Variants in LYPD6 observed in about 807,000 individuals in gnomAD.
LYPD6 encodes the protein ly6/PLAUR domain-containing protein 6.
In LYPD6, 15 loss-of-function variants were observed where a neutral mutation model predicts 22.7. The observed-to-expected ratio is 0.66, with a 90% confidence interval of 0.44 to 1.02. The LOEUF is 1.02. Among genes scored for constraint, LYPD6 ranks in the 50% least tolerant of loss-of-function variants. The pLI, the probability that LYPD6 is intolerant of heterozygous loss-of-function variation, is 0.00. For missense variants in LYPD6, 189 were observed against 208.4 expected (o/e 0.91, Z 0.57); for synonymous variants, 72 against 77.5 (o/e 0.93, Z 0.37).
intron 1 of LYPD6, among the ~76,000 whole-genome samples, chr2:149,347,350 G>T (rs80012003): frequency 0.058 from 8,763 of 152,118 alleles, 362 homozygotes; most frequent in Non-Finnish European, 0.088. Context: ...TGAATTTTGG[G>T]GGACACAAAC....
At chr2:149,414,315 A>G (rs972697934) in intron 1 of LYPD6, among the ~76,000 whole-genome samples, 1 of 152,188 alleles carries the variant, frequency 6.6e-6, no homozygotes, top group Non-Finnish European at 1.5e-5. Context: ...CACTGTTAAT[A>G]TTTCTTAAAT....
intron 1 of LYPD6, among the ~76,000 whole-genome samples, chr2:149,354,762 T>G (rs1681421438): frequency 6.6e-6 from 1 of 152,168 alleles, no homozygotes; most frequent in Non-Finnish European, 1.5e-5. Context: ...GCCGACATGC[T>G]TCAAGCTTGA....
At chr2:149,341,142 G>C (rs1417814891) in intron 1 of LYPD6, among the ~76,000 whole-genome samples, 1 of 151,992 alleles carries the variant, frequency 6.6e-6, no homozygotes, top group East Asian at 1.9e-4. Flanking sequence ...ATTTTCTTTT[G>C]TTGAGTTCTT....
chr2:149,418,916 T>C (rs1683021387), intron 1 of LYPD6, among the ~76,000 whole-genome samples: 1 of 152,248 alleles, frequency 6.6e-6, no homozygotes, highest in Non-Finnish European at 1.5e-5. Flanking sequence ...TCTAACTGGC[T>C]GAAGACTTTT....
intron 1 of LYPD6, among the ~76,000 whole-genome samples, chr2:149,354,099 C>T (rs1262987110): frequency 3.9e-5 from 6 of 152,134 alleles, no homozygotes; most frequent in African/African-American, 1.2e-4. Context: ...TCCTTCCTCC[C>T]GCATTGGGTT....
At chr2:149,442,867 G>T (rs1349384879) in intron 2 of LYPD6, among the ~76,000 whole-genome samples, 1 of 152,126 alleles carries the variant, frequency 6.6e-6, no homozygotes, top group African/African-American at 2.4e-5. Flanking sequence ...TTCCTGCCAA[G>T]ATGTCAGTAA....
At chr2:149,386,666 T>C (rs1446918032) in intron 1 of LYPD6, among the ~76,000 whole-genome samples, 1 of 152,184 alleles carries the variant, frequency 6.6e-6, no homozygotes, top group Non-Finnish European at 1.5e-5. Flanking sequence ...AATAGACATT[T>C]TAGAACAAAT....
At chr2:149,410,902 G>A (rs1479355392) in intron 1 of LYPD6, among the ~76,000 whole-genome samples, 1 of 152,224 alleles carries the variant, frequency 6.6e-6, no homozygotes, top group Non-Finnish European at 1.5e-5. Context: ...TAGATCATAG[G>A]AAAGTTATGT....
intron 1 of LYPD6, among the ~76,000 whole-genome samples, chr2:149,382,835 T>C (rs1412239244): frequency 6.6e-6 from 1 of 152,036 alleles, no homozygotes; most frequent in Admixed American, 6.6e-5. Flanking sequence ...TTGTGGACTC[T>C]TTTCTAGAAT....
chr2:149,375,638 C>T (rs947981349), intron 1 of LYPD6, among the ~76,000 whole-genome samples: 3 of 152,148 alleles, frequency 2.0e-5, no homozygotes, highest in Non-Finnish European at 4.4e-5. Flanking sequence ...TTCTACCATG[C>T]TTTTTTGTGG....
chr2:149,418,090 G>A (rs988453983), intron 1 of LYPD6, among the ~76,000 whole-genome samples: 3 of 152,110 alleles, frequency 2.0e-5, no homozygotes, highest in Non-Finnish European at 4.4e-5. Flanking sequence ...CAGACAATTC[G>A]GATGTTTTCT....
intron 1 of LYPD6, among the ~76,000 whole-genome samples, chr2:149,433,255 C>G (rs2105145420): frequency 6.6e-6 from 1 of 152,240 alleles, no homozygotes; most frequent in South Asian, 2.1e-4. Context: ...CTAAAGAAAT[C>G]AGGCCTAATG....
intron 2 of LYPD6, among the ~76,000 whole-genome samples, chr2:149,438,242 A>G (rs576613243): frequency 2.0e-5 from 3 of 152,348 alleles, no homozygotes; most frequent in African/African-American, 7.2e-5. Context: ...TCCTCCCACA[A>G]CTTCCAATGT....
At chr2:149,339,406 C>T (rs1312109389) in intron 1 of LYPD6, among the ~76,000 whole-genome samples, 1 of 152,158 alleles carries the variant, frequency 6.6e-6, no homozygotes, top group African/African-American at 2.4e-5. Context: ...CTTCCAAGGT[C>T]TCATAGGGAT....
chr2:149,333,004 A>G (rs934852945), intron 1 of LYPD6, among the ~76,000 whole-genome samples: 3 of 152,246 alleles, frequency 2.0e-5, no homozygotes, highest in Admixed American at 1.3e-4. Flanking sequence ...AGAAATATGT[A>G]AGTCTCCTAT....
chr2:149,418,475 T>A (rs1423270235), intron 1 of LYPD6, among the ~76,000 whole-genome samples: 2 of 150,788 alleles, frequency 1.3e-5, no homozygotes, highest in Non-Finnish European at 2.9e-5. Flanking sequence ...GACATGGCCC[T>A]TTAAAATAAC....
chr2:149,365,383 A>G (rs543655537), intron 1 of LYPD6, among the ~76,000 whole-genome samples: 2 of 152,232 alleles, frequency 1.3e-5, no homozygotes, highest in Non-Finnish European at 2.9e-5. Flanking sequence ...TTATAATCAC[A>G]TGTTAGGAAC....
At chr2:149,369,269 A>G (rs887516560) in intron 1 of LYPD6, among the ~76,000 whole-genome samples, 3 of 152,166 alleles carry the variant, frequency 2.0e-5, no homozygotes, top group Admixed American at 2.0e-4. Context: ...AAAGGCACTC[A>G]AGGTTCTGGA....
At chr2:149,425,634 T>C (rs1383005765) in intron 1 of LYPD6, among the ~76,000 whole-genome samples, 1 of 152,220 alleles carries the variant, frequency 6.6e-6, no homozygotes. Context: ...TAAAATCTTA[T>C]TATATTCTGC....
Sources: allele counts gnomAD v4.1 joint callset (sites outside exome capture counted in the v4.1 genomes callset), GRCh38; gene constraint gnomAD v4.1.1; transcripts MANE v1.5; gene names NCBI Gene and HGNC (gene_info 2026-07-23, HGNC 2026-07-21).